The following MAN2B2 variants were observed in gnomAD, a reference collection of about 807,000 sequenced individuals.
MAN2B2 encodes the protein epididymis-specific alpha-mannosidase.
In MAN2B2, 106 loss-of-function variants were observed where a neutral mutation model predicts 117.1. The observed-to-expected ratio is 0.90, with a 90% CI of 0.77 to 1.06. The LOEUF is 1.06. Ranked by LOEUF, MAN2B2 falls within the 50% of genes least tolerant of loss-of-function variation. The pLI, the probability that MAN2B2 is intolerant of heterozygous loss-of-function variation, is 0.00. For synonymous variants in MAN2B2, 544 were observed against 595.1 expected (o/e 0.91, Z 1.25); for missense variants, 1,326 against 1,381.4 (o/e 0.96, Z 0.64).
chr4:6,594,299 C>T (rs1238921444), intron 6 of MAN2B2, among the ~76,000 whole-genome samples: 1 of 119,576 alleles, frequency 8.4e-6, no homozygotes. Context: ...AAAAATTAGC[C>T]AGGTGTGGTG....
intron 3 of MAN2B2, among the ~76,000 whole-genome samples, chr4:6,583,087 G>C (rs1423832928): frequency 6.6e-6 from 1 of 152,204 alleles, no homozygotes; most frequent in African/African-American, 2.4e-5. Context: ...CCCCCACAGT[G>C]TTGCCTGCCT....
In MAN2B2 at chr4:6,578,382, C is replaced by A. The variant is rs780657109; in HGVS notation, c.286-11C>A. 3.1e-6 allele frequency: 5 copies of A among 1,606,500 alleles called. No homozygotes were observed. The African/African-American group carries it at 6.7e-5, about 22-fold the overall frequency. ...TAACTGGCTTTTTTCTCTCTGCCTGCCCATGTCAAGGTCCGCCAGCTCCTG... is the reference window on the plus strand; with the variant it reads ...TAACTGGCTTTTTTCTCTCTGCCTGACCATGTCAAGGTCCGCCAGCTCCTG... On this transcript the variant is annotated splice_polypyrimidine_tract_variant and intron_variant, in intron 2 of 18. Transcript: ENST00000285599.
At chr4:6,593,886 C>G (rs1726963291) in intron 6 of MAN2B2, among the ~76,000 whole-genome samples, 1 of 152,082 alleles carries the variant, frequency 6.6e-6, no homozygotes, top group Non-Finnish European at 1.5e-5. Flanking sequence ...TTGAGGAAAC[C>G]AAGGCCCAGA....
At chr4:6,588,954 G>A in intron 4 of MAN2B2, 91 bp from the exon 5 acceptor site, 1 of 872,038 alleles carries the variant, frequency 1.1e-6, no homozygotes, top group Non-Finnish European at 1.9e-6. Flanking sequence ...CAAGGTGAGG[G>A]CAGGCGGGAG....
At position 6,621,183 on chromosome 4, in the gene MAN2B2, C is replaced by T. The variant is rs377717838; in HGVS notation, c.2933-5C>T. 1.3e-5 allele frequency: 21 copies of T among 1,611,644 alleles called. No homozygotes were observed. In the African/African-American group the frequency reaches 2.0e-4, roughly 15 times the overall value. On this transcript the variant is annotated splice_polypyrimidine_tract_variant and splice_region_variant and intron_variant, in intron 18 of 18. Coordinates refer to ENST00000285599, the MANE Select transcript of MAN2B2 (RefSeq NM_015274.3). ...ACACTGGACAGATCACCTCTGTTCC[C>T]CTAGGTGACACCACCTCTCCCTCGA...
At chr4:6,600,804 C>T (rs1484713612) in intron 10 of MAN2B2, 48 bp downstream of exon 10, 2 of 1,604,076 alleles carry the variant, frequency 1.2e-6, no homozygotes, top group Non-Finnish European at 1.7e-6. Context: ...CTTGCTGAAC[C>T]TGCTCTGGGC....
intron 3 of MAN2B2, among the ~76,000 whole-genome samples, chr4:6,581,847 C>T (rs980067267): frequency 2.0e-5 from 3 of 152,044 alleles, no homozygotes; most frequent in African/African-American, 4.8e-5. Flanking sequence ...CCAACTCCTG[C>T]TCCCGGCAGT....
At chr4:6,618,797 G>C (rs1446068945) in intron 17 of MAN2B2, 1 of 152,222 alleles carries the variant, frequency 6.6e-6, no homozygotes, top group African/African-American at 2.4e-5. Context: ...GTCTTCAGGG[G>C]AATCCAGAGA....
rs776450993 is a variant in MAN2B2 at position 6,578,415 on chromosome 4, G to A, written c.308G>A (p.Gly103Glu). 3.7e-6 allele frequency: 6 copies of A among 1,613,470 alleles called. No individual in the cohort carries two copies. In the African/African-American group the frequency reaches 5.3e-5, roughly 14 times the overall value. The change falls in exon 3 of 19, where the codon GGA (glycine) becomes GAA (glutamate). Residue 103 changes from glycine to glutamate, a missense_variant. Gly to Glu is a moderately conservative substitution (Grantham distance 98). Transcript: ENST00000285599. ...AAGGTCCGCCAGCTCCTGGAGGAAG[G>A]ACGCCTGGAATTTGTCATCGGAGGC... ...KYQVRQLLEEGRLEFVIGGQV... is the reference protein window; with the variant it reads ...KYQVRQLLEEERLEFVIGGQV...
At chr4:6,576,557 A>G (rs199891701) in intron 1 of MAN2B2, 21 bp from the exon 2 acceptor site, 3 of 1,602,828 alleles carry the variant, frequency 1.9e-6, no homozygotes, top group Non-Finnish European at 2.6e-6. Context: ...CGGGGCTGGC[A>G]TGATGCTGTC....
chr4:6,597,019 C>T (rs551436679), intron 7 of MAN2B2, 94 bp from the exon 8 acceptor site: 2 of 1,285,218 alleles, frequency 1.6e-6, no homozygotes, highest in Admixed American at 2.2e-5. Context: ...GAGGCTGCCT[C>T]TGCAGCCCCA....
chr4:6,608,606 C>T (rs148975693), intron 11 of MAN2B2, among the ~76,000 whole-genome samples: 1 of 152,296 alleles, frequency 6.6e-6, no homozygotes, highest in African/African-American at 2.4e-5. Context: ...ATCTTGGGTA[C>T]ATGATGTCAC....
At chr4:6,603,893 G>A (rs1350420374) in intron 10 of MAN2B2, among the ~76,000 whole-genome samples, 3 of 152,176 alleles carry the variant, frequency 2.0e-5, no homozygotes, top group African/African-American at 2.4e-5. Context: ...TGGGTCGGGA[G>A]GCGTGTACAC....
At chr4:6,617,767 G>T in intron 17 of MAN2B2, 1 of 378,304 alleles carries the variant, frequency 2.6e-6, no homozygotes, top group South Asian at 3.0e-5. Flanking sequence ...TGCAACCTCT[G>T]CCTCCCTGGC....
At chr4:6,594,314 C>A (rs568199518) in intron 6 of MAN2B2, among the ~76,000 whole-genome samples, 57 of 48,234 alleles carry the variant, frequency 1.2e-3, no homozygotes, top group African/African-American at 3.3e-3. Flanking sequence ...GTGGTGGCGC[C>A]TGCAGCCTCA....
chr4:6,590,722 C>A lies in MAN2B2; in HGVS notation c.680+1562C>A, dbSNP rs975845982. Among the ~76,000 whole-genome samples the A allele has an allele frequency of 2.6e-5, 4 of 152,198 alleles. No individual in the cohort carries two copies. The South Asian group carries it at 6.2e-4, about 24-fold the overall frequency. ...GGGTGCTGTGGATGCAGGGGGAAGG[C>A]CCCCGGACATGGGTGTTTCCCCACC... On this transcript the variant is annotated intron_variant, in intron 5 of 18. Transcript: ENST00000285599.
chr4:6,604,379 G>T (rs574494918), intron 10 of MAN2B2, among the ~76,000 whole-genome samples: 18 of 151,910 alleles, frequency 1.2e-4, no homozygotes, highest in African/African-American at 3.4e-4. Flanking sequence ...GCTGTGACCA[G>T]GCAGAGGCCA....
At chr4:6,615,459 C>T (rs760514381) in intron 16 of MAN2B2, among the ~76,000 whole-genome samples, 1 of 152,086 alleles carries the variant, frequency 6.6e-6, no homozygotes, top group Non-Finnish European at 1.5e-5. Flanking sequence ...AGTCATTCCC[C>T]TGTGCCATTC....
At chr4:6,586,943 G>A (rs1396595445) in intron 3 of MAN2B2, 53 bp from the exon 4 acceptor site, 94 of 1,555,678 alleles carry the variant, frequency 6.0e-5, no homozygotes, top group Non-Finnish European at 8.0e-5. Flanking sequence ...GGATGGGGCC[G>A]GGAGGCACAG....
Sources: gnomAD v4.1 joint callset for allele counts (sites outside exome capture counted in the v4.1 genomes callset) on GRCh38, gnomAD v4.1.1 for gene constraint, MANE v1.5 for transcripts, NCBI Gene and HGNC (gene_info 2026-07-23, HGNC 2026-07-21) for gene names.